The following CCDC169 variants were observed in gnomAD, a reference collection of about 807,000 sequenced individuals.
The protein encoded by CCDC169 is coiled-coil domain containing 169, also known as coiled-coil domain-containing protein 169.
A neutral mutation model predicts 36.0 loss-of-function variants in CCDC169; 30 were observed. The ratio of observed to expected loss-of-function variants is 0.83; its 90% CI spans 0.62 to 1.13. The LOEUF (loss-of-function observed/expected upper bound fraction) is 1.13, where lower values mean the gene tolerates loss of function less well. Among genes scored for constraint, CCDC169 ranks in the 50% most tolerant of loss-of-function variants. The pLI, the probability that CCDC169 is intolerant of heterozygous loss-of-function variation, is 0.00. For missense variants in CCDC169, 245 were observed against 245.9 expected (o/e 1.00, Z 0.03); for synonymous variants, 85 against 81.5 (o/e 1.04, Z -0.23).
At chr13:36,240,336 C>T (rs1010380576) in intron 7 of CCDC169, among the ~76,000 whole-genome samples, 1 of 151,704 alleles carries the variant, frequency 6.6e-6, no homozygotes, top group Non-Finnish European at 1.5e-5. Flanking sequence ...ATAAATCATC[C>T]ACAATTTTAC....
At chr13:36,295,407 C>G (rs1440042176) in intron 2 of CCDC169, among the ~76,000 whole-genome samples, 3 of 152,070 alleles carry the variant, frequency 2.0e-5, no homozygotes, top group African/African-American at 7.2e-5. Context: ...TAGCTAAAAC[C>G]TAGATACGGA....
At chr13:36,279,696 A>C (rs1228387953) in intron 4 of CCDC169, among the ~76,000 whole-genome samples, 4 of 152,174 alleles carry the variant, frequency 2.6e-5, no homozygotes, top group Admixed American at 2.6e-4. Flanking sequence ...CTAAAGATCA[A>C]ATTCAGCTTC....
intron 4 of CCDC169, among the ~76,000 whole-genome samples, chr13:36,255,392 G>A (rs993361254): frequency 6.6e-6 from 1 of 152,072 alleles, no homozygotes; most frequent in Non-Finnish European, 1.5e-5. Flanking sequence ...TCCCTGGTGT[G>A]GTGGCTCACA....
In CCDC169 at chr13:36,283,582, G is replaced by A; in HGVS notation, c.274+10C>T. On this transcript the variant is annotated intron_variant, in intron 3 of 7. Coordinates refer to ENST00000239859, the MANE Select transcript of CCDC169 (RefSeq NM_001144981.3). ...CAAATTATAAAATGTACATATGATT[G>A]GTTTTGTACCTGAAGAGTTTCCATG... 2 of 1,551,076 alleles carry A rather than the reference G, an allele frequency of 1.3e-6. No individual in the cohort carries two copies. The highest frequency in any genetic ancestry group is 1.7e-6 in the Non-Finnish European group (2 of 1,146,722).
chr13:36,254,027 T>G lies in CCDC169; in HGVS notation c.414+18A>C. 1 of 1,541,606 alleles carries G rather than the reference T, an allele frequency of 6.5e-7. No homozygotes were observed. The highest frequency in any genetic ancestry group is 1.2e-5 in the South Asian group (1 of 82,100). On this transcript the variant is annotated intron_variant, in intron 5 of 7. Coordinates refer to ENST00000239859, the MANE Select transcript of CCDC169 (RefSeq NM_001144981.3). ...TGGCAGTTTCAAAGGAATTGCTAAG[T>G]ATAGAGTAAAAACAAACCTTTGATT...
At chr13:36,249,111 A>G (rs1171822957) in intron 6 of CCDC169, among the ~76,000 whole-genome samples, 3 of 152,236 alleles carry the variant, frequency 2.0e-5, no homozygotes, top group Non-Finnish European at 4.4e-5. Flanking sequence ...CCTCCAGGAT[A>G]TAAAAGTGGA....
chr13:36,253,148 C>T (rs1873376035), intron 6 of CCDC169, among the ~76,000 whole-genome samples: 1 of 152,120 alleles, frequency 6.6e-6, no homozygotes, highest in South Asian at 2.1e-4. Context: ...CGCACTTCTA[C>T]TAACAAAAGT....
chr13:36,229,062 C>A (rs1484439098), downstream of CCDC169, among the ~76,000 whole-genome samples: 1 of 151,728 alleles, frequency 6.6e-6, no homozygotes, highest in African/African-American at 2.4e-5. Flanking sequence ...TTTTTGATAC[C>A]TCTATATTAG....
At chr13:36,226,548 G>A (rs986545280), downstream of CCDC169, 2 of 152,196 alleles carry the variant, frequency 1.3e-5, no homozygotes, top group Non-Finnish European at 2.9e-5. Context: ...ACAGGCCATG[G>A]ATGGGTAACA....
chr13:36,294,676 A>C (rs1879266686), intron 2 of CCDC169, among the ~76,000 whole-genome samples: 1 of 152,152 alleles, frequency 6.6e-6, no homozygotes, highest in Non-Finnish European at 1.5e-5. Flanking sequence ...TCTCAAAAAA[A>C]TGAGCTCCCC....
intron 5 of CCDC169, 31 bp from the exon 6 acceptor site, chr13:36,253,887 A>G (rs993288222): frequency 1.1e-5 from 17 of 1,548,538 alleles, no homozygotes; most frequent in East Asian, 4.9e-5. Flanking sequence ...AAAGGGTCCA[A>G]CATATGAGAA....
downstream of CCDC169, among the ~76,000 whole-genome samples, chr13:36,228,791 TTCACCCGCC>T (rs1489436397): frequency 6.6e-6 from 1 of 152,090 alleles, no homozygotes; most frequent in Admixed American, 6.5e-5. Flanking sequence ...GCTCAAGCAA[TTCACCCGCC>T]TCACCCTCCC....
At chr13:36,293,112 G>C (rs1048820420) in intron 2 of CCDC169, among the ~76,000 whole-genome samples, 1 of 148,772 alleles carries the variant, frequency 6.7e-6, no homozygotes, top group African/African-American at 2.5e-5. Flanking sequence ...TGAGAAGAAA[G>C]CAGAAAGGGT....
intron 6 of CCDC169, among the ~76,000 whole-genome samples, chr13:36,249,437 C>T (rs1486328531): frequency 6.6e-6 from 1 of 152,050 alleles, no homozygotes; most frequent in African/African-American, 2.4e-5. Flanking sequence ...AGATGCTTCG[C>T]CAAATTTGAA....
Position 36,248,589 on chromosome 13 carries a change from T to C in CCDC169, c.545+17A>G. 4 of 1,546,356 alleles carry C rather than the reference T, an allele frequency of 2.6e-6. No homozygotes were observed. The highest frequency in any genetic ancestry group is 2.4e-5 in the South Asian group (2 of 83,356). ...CAAATGTAACGAATTAGAAAGAAAATATATAGCTAGACTTACGTTTTCACT... is the reference window on the plus strand; with the variant it reads ...CAAATGTAACGAATTAGAAAGAAAACATATAGCTAGACTTACGTTTTCACT... On this transcript the variant is annotated intron_variant, in intron 7 of 7. Transcript: ENST00000239859.
intron 7 of CCDC169, among the ~76,000 whole-genome samples, chr13:36,246,643 A>AT (rs1201574613): frequency 2.0e-5 from 3 of 152,192 alleles, no homozygotes; most frequent in African/African-American, 7.2e-5. Flanking sequence ...TGTTGCTGCA[A>AT]TTTTTTGCTG....
chr13:36,236,578 C>T (rs970803695), intron 7 of CCDC169, among the ~76,000 whole-genome samples: 2 of 152,112 alleles, frequency 1.3e-5, no homozygotes, highest in Middle Eastern at 3.4e-3. Context: ...TTATGTATGA[C>T]ACCTAACACA....
At chr13:36,243,859 A>G (rs1227049506) in intron 7 of CCDC169, among the ~76,000 whole-genome samples, 1 of 152,168 alleles carries the variant, frequency 6.6e-6, no homozygotes, top group East Asian at 1.9e-4. Context: ...TTCCTATTTC[A>G]GAGTCTACTC....
chr13:36,257,458 C>T (rs1874040038), intron 4 of CCDC169, among the ~76,000 whole-genome samples: 1 of 152,160 alleles, frequency 6.6e-6, no homozygotes, highest in African/African-American at 2.4e-5. Flanking sequence ...GTAATCCCAG[C>T]ACTTTGGGAG....
Sources: allele counts gnomAD v4.1 joint callset (sites outside exome capture counted in the v4.1 genomes callset), GRCh38; gene constraint gnomAD v4.1.1; transcripts MANE v1.5; gene names NCBI Gene and HGNC (gene_info 2026-07-23, HGNC 2026-07-21).